Variants in MBD5 observed in about 807,000 individuals in gnomAD.
The protein encoded by MBD5 is methyl-CpG binding domain protein 5, also known as methyl-CpG-binding domain protein 5.
A neutral mutation model predicts 117.3 loss-of-function variants in MBD5; 13 were observed. The ratio of observed to expected loss-of-function variants is 0.11; its 90% confidence interval spans 0.07 to 0.18. The LOEUF is 0.18. Among genes scored for constraint, MBD5 ranks in the 10% least tolerant of loss-of-function variants. The pLI, the probability that MBD5 is intolerant of heterozygous loss-of-function variation, is 1.00. For missense variants in MBD5, 1,879 were observed against 2,093.8 expected (o/e 0.90, Z 2.00); for synonymous variants, 727 against 766.4 (o/e 0.95, Z 0.85).
chr2:148,445,630 A>G (rs1246655822), intron 4 of MBD5, among the ~76,000 whole-genome samples: 1 of 151,362 alleles, frequency 6.6e-6, no homozygotes, highest in Non-Finnish European at 1.5e-5. Flanking sequence ...AGCATGATTT[A>G]TACTCCTTTG....
intron 3 of MBD5, among the ~76,000 whole-genome samples, chr2:148,328,821 A>G (rs1014127800): frequency 6.6e-6 from 1 of 152,170 alleles, no homozygotes; most frequent in Admixed American, 6.5e-5. Flanking sequence ...TCACTCTGGG[A>G]GCTGTAGACC....
intron 11 of MBD5, among the ~76,000 whole-genome samples, chr2:148,497,450 G>T (rs1275105238): frequency 6.6e-6 from 1 of 152,156 alleles, no homozygotes; most frequent in Non-Finnish European, 1.5e-5. Flanking sequence ...TGCTTTGGGA[G>T]TCTGGGGTCA....
At chr2:148,420,118 C>T (rs906613637) in intron 4 of MBD5, among the ~76,000 whole-genome samples, 1 of 152,088 alleles carries the variant, frequency 6.6e-6, no homozygotes, top group African/African-American at 2.4e-5. Flanking sequence ...TTGTTTTTCC[C>T]CTTTATATGA....
At chr2:148,364,559 G>A (rs559834569) in intron 4 of MBD5, among the ~76,000 whole-genome samples, 1 of 152,136 alleles carries the variant, frequency 6.6e-6, no homozygotes, top group Non-Finnish European at 1.5e-5. Flanking sequence ...ATCGGACAAA[G>A]TGTCAAGACC....
chr2:148,335,319 T>C (rs1702757965), intron 3 of MBD5, among the ~76,000 whole-genome samples: 1 of 151,766 alleles, frequency 6.6e-6, no homozygotes, highest in African/African-American at 2.4e-5. Context: ...AGGCAGAGAT[T>C]GCAGTGAGCC....
At chr2:148,263,384 GGA>G (rs1298287003) in intron 3 of MBD5, among the ~76,000 whole-genome samples, 1 of 152,108 alleles carries the variant, frequency 6.6e-6, no homozygotes, top group East Asian at 1.9e-4. Flanking sequence ...GACGAAGAGA[GGA>G]GAAAACTTTT....
At chr2:148,172,555 T>G (rs1193506448) in intron 1 of MBD5, among the ~76,000 whole-genome samples, 1 of 152,060 alleles carries the variant, frequency 6.6e-6, no homozygotes, top group African/African-American at 2.4e-5. Flanking sequence ...GTTGACATGA[T>G]TGATGGCAGC....
chr2:148,243,644 C>T (rs772303924), intron 3 of MBD5: 13 of 151,548 alleles, frequency 8.6e-5, no homozygotes, highest in Non-Finnish European at 1.6e-4. Context: ...TGGAAGATAA[C>T]ATTTTTATTT....
chr2:148,368,928 A>T (rs1001562673), intron 4 of MBD5, among the ~76,000 whole-genome samples: 21 of 152,330 alleles, frequency 1.4e-4, no homozygotes, highest in Admixed American at 5.9e-4. Context: ...TACTAATTTG[A>T]CAGTGGAGAA....
At position 148,353,184 on chromosome 2, in the gene MBD5, A is replaced by G. The variant is rs567780558; in HGVS notation, c.-557+10848A>G. ...TGCTTTTAACATGAGAGATAAAAAA[A>G]CACTTTTGTGTCACAAGTATTTAGT... On this transcript the variant is annotated intron_variant, in intron 4 of 13. Transcript: ENST00000642680. Among the ~76,000 whole-genome samples the G allele has an allele frequency of 1.8e-4, 27 of 152,290 alleles. No individual in the cohort carries two copies. The South Asian group carries it at 2.9e-3, about 16-fold the overall frequency.
chr2:148,023,029 T>C (rs1295895684), intron 1 of MBD5, among the ~76,000 whole-genome samples: 10 of 152,056 alleles, frequency 6.6e-5, no homozygotes, highest in Admixed American at 3.9e-4. Context: ...TCCTTGAAGA[T>C]GGATGCACAC....
At position 148,470,319 on chromosome 2, in the gene MBD5, C is replaced by T. The variant is rs571572297; in HGVS notation, c.2376C>T (p.Asn792=). 27 of 1,613,990 alleles carry T rather than the reference C, an allele frequency of 1.7e-5. No homozygotes were observed. In the South Asian group the frequency reaches 2.9e-4, roughly 17 times the overall value. The change falls in exon 8 of 14, where the codon AAC becomes AAT. Residue 792 remains asparagine, a synonymous_variant. Coordinates refer to ENST00000642680, the MANE Select transcript of MBD5 (RefSeq NM_001378120.1). The stretch of plus-strand genomic sequence containing the variant: ...TAAATCAGATTCAGGCTAGCGGGAA[C>T]TGTGGGATGCTCAGTCAGTCGGGCA... ...GLINQIQASG[N]CGMLSQSGMA...
At chr2:148,385,002 C>A (rs1704301477) in intron 4 of MBD5, among the ~76,000 whole-genome samples, 1 of 152,082 alleles carries the variant, frequency 6.6e-6, no homozygotes, top group Admixed American at 6.6e-5. Context: ...CTAAAACCAT[C>A]AAAAACCCTA....
At chr2:148,257,465 C>T (rs559194075) in intron 3 of MBD5, among the ~76,000 whole-genome samples, 3 of 152,292 alleles carry the variant, frequency 2.0e-5, no homozygotes, top group South Asian at 2.1e-4. Flanking sequence ...ATCTCATCAA[C>T]GATAGCCTCT....
chr2:148,120,008 C>G (rs1696730059), intron 1 of MBD5, among the ~76,000 whole-genome samples: 1 of 152,108 alleles, frequency 6.6e-6, no homozygotes, highest in African/African-American at 2.4e-5. Context: ...CCTCAATGTC[C>G]AGGGCTCAAG....
At position 148,021,507 on chromosome 2, in the gene MBD5, GCTGCTA is replaced by G. The variant is rs1693728519; in HGVS notation, c.-1096_-1091del. ...TGCTGCTGCTGCTGCTACTGCTGCT[GCTGCTA>G]CTGCTGCTGCTTGGCCCTGGCTGGA... On this transcript the variant is annotated 5_prime_UTR_variant, in exon 1 of 14. Transcript: ENST00000642680. The G allele has an allele frequency of 1.6e-5, 9 of 576,204 alleles. No individual in the cohort carries two copies. In the Admixed American group the frequency reaches 1.9e-4, roughly 12 times the overall value. 35.7% of individuals were successfully genotyped at this position (576,204 alleles called of 1,614,324 possible).
intron 4 of MBD5, among the ~76,000 whole-genome samples, chr2:148,425,596 CA>C (rs1705753628): frequency 6.6e-6 from 1 of 152,150 alleles, no homozygotes; most frequent in Non-Finnish European, 1.5e-5. Context: ...AAGAAAATTT[CA>C]GGCCAATATC....
intron 11 of MBD5, among the ~76,000 whole-genome samples, chr2:148,494,678 T>A (rs1244485320): frequency 2.6e-5 from 4 of 152,214 alleles, no homozygotes; most frequent in Non-Finnish European, 5.9e-5. Flanking sequence ...AAGTACATTC[T>A]GGGCCGGGCG....
chr2:148,512,709 C>T (rs1682254483), intron 13 of MBD5, among the ~76,000 whole-genome samples, 161 bp from the exon 14 acceptor site: 1 of 152,222 alleles, frequency 6.6e-6, no homozygotes, highest in South Asian at 2.1e-4. Context: ...GGCACACTGA[C>T]ATCTGGGGTC....
Sources: gnomAD v4.1 joint callset for allele counts (sites outside exome capture counted in the v4.1 genomes callset) on GRCh38, gnomAD v4.1.1 for gene constraint, MANE v1.5 for transcripts, NCBI Gene and HGNC (gene_info 2026-07-23, HGNC 2026-07-21) for gene names.